Variants in PHLDB2 observed in about 807,000 individuals in gnomAD.
PHLDB2 encodes the protein pleckstrin homology-like domain family B member 2.
In PHLDB2, 71 loss-of-function variants were observed where a neutral mutation model predicts 123.6. The ratio of observed to expected loss-of-function variants is 0.57; its 90% confidence interval spans 0.47 to 0.70. The LOEUF (loss-of-function observed/expected upper bound fraction) is 0.70. PHLDB2 is among the 30% of genes least tolerant of loss of function. The pLI is 0.00. For synonymous variants in PHLDB2, 547 were observed against 541.6 expected (o/e 1.01, Z -0.14); for missense variants, 1,446 against 1,519.5 (o/e 0.95, Z 0.80).
chr3:111,789,494 C>G (rs2060824698), intron 1 of PHLDB2, among the ~76,000 whole-genome samples: 1 of 152,182 alleles, frequency 6.6e-6, no homozygotes, highest in South Asian at 2.1e-4. Flanking sequence ...TTTAACTGCT[C>G]TGACATATAT....
At chr3:111,801,556 C>T (rs1032742284) in intron 1 of PHLDB2, among the ~76,000 whole-genome samples, 1 of 152,104 alleles carries the variant, frequency 6.6e-6, no homozygotes, top group Non-Finnish European at 1.5e-5. Flanking sequence ...GAGCCTAGGA[C>T]AAGGCTGGTT....
At chr3:111,771,748 A>G (rs760604510) in intron 1 of PHLDB2, among the ~76,000 whole-genome samples, 3 of 152,198 alleles carry the variant, frequency 2.0e-5, no homozygotes, top group Non-Finnish European at 4.4e-5. Flanking sequence ...GTCTACCCTC[A>G]TGACTTTAAC....
intron 1 of PHLDB2, among the ~76,000 whole-genome samples, chr3:111,838,458 TTGATTTCCCAGAAATTC>T (rs2063517552): frequency 6.6e-6 from 1 of 152,204 alleles, no homozygotes; most frequent in Non-Finnish European, 1.5e-5. Context: ...TGTATCTGGG[TTGATTTCCCAGAAATTC>T]ATCAAACCAG....
chr3:111,863,085 G>T (rs924474778), intron 1 of PHLDB2, among the ~76,000 whole-genome samples: 9 of 152,198 alleles, frequency 5.9e-5, no homozygotes, highest in African/African-American at 2.2e-4. Flanking sequence ...TAAATGCTTC[G>T]ATGGGGGAGG....
At chr3:111,804,723 G>A (rs897542029) in intron 1 of PHLDB2, among the ~76,000 whole-genome samples, 1 of 152,100 alleles carries the variant, frequency 6.6e-6, no homozygotes, top group African/African-American at 2.4e-5. Context: ...AATTTTGGGG[G>A]GAAAACTTTG....
At chr3:111,786,221 A>T (rs1161038768) in intron 1 of PHLDB2, among the ~76,000 whole-genome samples, 1 of 152,172 alleles carries the variant, frequency 6.6e-6, no homozygotes, top group African/African-American at 2.4e-5. Context: ...ATACACTGTA[A>T]ATGCAATGTA....
intron 1 of PHLDB2, among the ~76,000 whole-genome samples, chr3:111,820,852 T>C (rs1213114323): frequency 1.3e-5 from 2 of 152,238 alleles, no homozygotes; most frequent in Non-Finnish European, 2.9e-5. Flanking sequence ...GACAGTACTA[T>C]AGTTTATCAA....
chr3:111,972,648 T>C (rs2072283201), intron 16 of PHLDB2, among the ~76,000 whole-genome samples: 1 of 145,504 alleles, frequency 6.9e-6, no homozygotes, highest in Admixed American at 6.9e-5. Flanking sequence ...ATTCTATTCG[T>C]ACCCTATTTC....
At chr3:111,910,071 A>C (rs2067796812) in intron 2 of PHLDB2, among the ~76,000 whole-genome samples, 2 of 152,178 alleles carry the variant, frequency 1.3e-5, no homozygotes, top group Non-Finnish European at 2.9e-5. Context: ...GAACAATGTC[A>C]GACACAGTCC....
chr3:111,795,919 T>C (rs1445491018), intron 1 of PHLDB2, among the ~76,000 whole-genome samples: 1 of 151,954 alleles, frequency 6.6e-6, no homozygotes, highest in Non-Finnish European at 1.5e-5. Context: ...TTTATTTGTT[T>C]TGAGTCTCAC....
At chr3:111,853,518 G>A (rs2064350472) in intron 2 of PHLDB2, among the ~76,000 whole-genome samples, 2 of 152,254 alleles carry the variant, frequency 1.3e-5, no homozygotes, top group Middle Eastern at 3.4e-3. Flanking sequence ...TCTGCTGGGT[G>A]TTCTTTTTGT....
rs960835532 is a variant in PHLDB2, at chr3:111,976,063, C to A, written c.*1500C>A. 1 of 152,630 alleles carries A rather than the reference C, an allele frequency of 6.6e-6. No individual in the cohort carries two copies. Among genetic ancestry groups the A allele is most frequent in the Admixed American group, 6.5e-5 (1 of 15,284 alleles). 9.5% of individuals were successfully genotyped at this position (152,630 alleles called of 1,614,324 possible). A position where few individuals can be genotyped will look rare whatever the true frequency, so the allele number is the denominator to read the frequency against. On this transcript the variant is annotated 3_prime_UTR_variant, in exon 18 of 18. Coordinates refer to ENST00000431670, the MANE Select transcript of PHLDB2 (RefSeq NM_001134438.2). The stretch of plus-strand genomic sequence containing the variant: ...TGATTTTGCAGCGATCACTTTTAAA[C>A]CCTGTAGTGATGTAAGACTAAAATA...
rs1031257271 is a variant in PHLDB2 at position 111,905,841 on chromosome 3, C to CT, written c.1336-7469dup. Among the ~76,000 whole-genome samples, 420 of 151,680 alleles carry CT rather than the reference C, an allele frequency of 2.8e-3. 2 individuals carry two copies. The highest frequency in any genetic ancestry group is 9.6e-3 in the African/African-American group (398 of 41,350). On this transcript the variant is annotated intron_variant, in intron 2 of 17. Transcript: ENST00000431670. Reference sequence around the variant, plus strand: ...AGGAATTTTTCAGCTCCATTATAATCTTTTTTTTTCCTTTACGTTTTTCAG... The same window carrying CT: ...AGGAATTTTTCAGCTCCATTATAATCTTTTTTTTTTCCTTTACGTTTTTCAG...
chr3:111,971,391 C>G (rs1009543333), intron 16 of PHLDB2, among the ~76,000 whole-genome samples: 3 of 151,978 alleles, frequency 2.0e-5, no homozygotes, highest in Non-Finnish European at 4.4e-5. Flanking sequence ...AAGCTTCAGA[C>G]CCATGTAAAT....
At chr3:111,889,574 C>T (rs147856114) in intron 2 of PHLDB2, among the ~76,000 whole-genome samples, 15,782 of 151,976 alleles carry the variant, frequency 0.1, 1,075 homozygotes, top group Non-Finnish European at 0.15. Context: ...TGGTGGTGCA[C>T]ACCTGTAGTC....
intron 1 of PHLDB2, among the ~76,000 whole-genome samples, chr3:111,747,181 T>C (rs1380851363): frequency 1.3e-5 from 2 of 152,180 alleles, no homozygotes; most frequent in Admixed American, 1.3e-4. Flanking sequence ...TTCTTATGAG[T>C]ATTAAAAATA....
chr3:111,798,908 C>T (rs1401800481), intron 1 of PHLDB2, among the ~76,000 whole-genome samples: 3 of 151,906 alleles, frequency 2.0e-5, no homozygotes, highest in Non-Finnish European at 2.9e-5. Context: ...AAAGACATAC[C>T]CAAGACTGGG....
rs1277906261 is a variant in PHLDB2 at position 111,879,508 on chromosome 3, G to A, written c.-14-4556G>A. Among the ~76,000 whole-genome samples the A allele has an allele frequency of 2.6e-5, 4 of 152,246 alleles. 1 individual carries two copies. The highest frequency in any genetic ancestry group is 9.6e-5 in the African/African-American group (4 of 41,546). ...AGTAGGCTGAGGAGGAGGAAGAGGA[G>A]GAGCTGGTCTTGATGTCTCCAGGGT... is the stretch of plus-strand genomic sequence containing the variant. On this transcript the variant is annotated intron_variant, in intron 1 of 17. Transcript: ENST00000431670.
intron 1 of PHLDB2, among the ~76,000 whole-genome samples, chr3:111,791,085 G>A (rs1300295429): frequency 3.3e-5 from 5 of 152,122 alleles, no homozygotes; most frequent in Non-Finnish European, 7.3e-5. Flanking sequence ...AACCAGCTAT[G>A]AATTATCAAT....
Sources: gnomAD v4.1 joint callset for allele counts (sites outside exome capture counted in the v4.1 genomes callset) on GRCh38, gnomAD v4.1.1 for gene constraint, MANE v1.5 for transcripts, NCBI Gene and HGNC (gene_info 2026-07-23, HGNC 2026-07-21) for gene names.